Variants in FUBP3 observed in about 807,000 individuals in gnomAD.
The protein encoded by FUBP3 is far upstream element-binding protein 3.
Under a neutral mutation model 85.6 loss-of-function variants are expected in FUBP3, and 28 were observed. The ratio of observed to expected loss-of-function variants is 0.33; its 90% CI spans 0.24 to 0.45. The LOEUF is 0.45. FUBP3 is among the 20% of genes least tolerant of loss of function. The probability of loss-of-function intolerance (pLI) is 1.00; values close to 1 mark genes in which losing one functional copy is unlikely to be tolerated. For synonymous variants in FUBP3, 271 were observed against 271.4 expected, an observed-to-expected ratio of 1.00 and a Z score of 0.01; for missense variants, 583 against 755.1, an observed-to-expected ratio of 0.77 and a Z score of 2.67.
chr9:130,584,447 G>GAACCTGGGAGGCAGAGGTTGCAGTGA (rs1564187238), intron 1 of FUBP3, among the ~76,000 whole-genome samples: 1 of 151,664 alleles, frequency 6.6e-6, no homozygotes, highest in Non-Finnish European at 1.5e-5. Flanking sequence ...AGAATAGCTT[G>GAACCTGGGAGGCAGAGGTTGCAGTGA]AACCTGGGAG....
At chr9:130,601,125 T>G (rs1351751667) in intron 2 of FUBP3, among the ~76,000 whole-genome samples, 2 of 152,198 alleles carry the variant, frequency 1.3e-5, no homozygotes, top group African/African-American at 4.8e-5. Context: ...GCCCTCAAGC[T>G]TAATTTGCCA....
At chr9:130,632,384 G>T in intron 16 of FUBP3, 106 bp downstream of exon 16, 1 of 822,456 alleles carries the variant, frequency 1.2e-6, no homozygotes, top group Non-Finnish European at 2.0e-6. Flanking sequence ...GGCCCAGGAT[G>T]CCCCTCCCCA....
chr9:130,624,506 A>G (rs1054557736), intron 11 of FUBP3, among the ~76,000 whole-genome samples: 1 of 152,190 alleles, frequency 6.6e-6, no homozygotes, highest in African/African-American at 2.4e-5. Context: ...TAAAACGGCC[A>G]CTAAATCAAG....
chr9:130,634,635 A>C, intron 16 of FUBP3, 32 bp from the exon 17 acceptor site: 1 of 1,600,474 alleles, frequency 6.2e-7, no homozygotes, highest in Non-Finnish European at 8.5e-7. Flanking sequence ...AGGAGCCCGT[A>C]AGGCCTGACT....
At chr9:130,591,555 A>G (rs1169245376) in intron 1 of FUBP3, among the ~76,000 whole-genome samples, 1 of 152,238 alleles carries the variant, frequency 6.6e-6, no homozygotes, top group Non-Finnish European at 1.5e-5. Context: ...GCTTCTTTAC[A>G]GAATAATGTA....
At chr9:130,628,504 C>G (rs1259348434) in intron 12 of FUBP3, among the ~76,000 whole-genome samples, 6 of 152,196 alleles carry the variant, frequency 3.9e-5, no homozygotes, top group African/African-American at 1.2e-4. Flanking sequence ...GGAAGATGAA[C>G]TTAAATTAAC....
intron 2 of FUBP3, among the ~76,000 whole-genome samples, chr9:130,597,704 A>T (rs1830938895): frequency 6.6e-6 from 1 of 152,256 alleles, no homozygotes; most frequent in African/African-American, 2.4e-5. Flanking sequence ...CACAGAACTC[A>T]AATTCTACAC....
Position 130,635,854 on chromosome 9 carries a change from C to T in FUBP3, c.1583-145C>T. The T allele has an allele frequency of 2.6e-6, 2 of 784,160 alleles. No individual in the cohort carries two copies. Among genetic ancestry groups the T allele is most frequent in the Non-Finnish European group, 4.1e-6 (2 of 486,712 alleles). 48.6% of individuals were successfully genotyped at this position (784,160 alleles called of 1,614,324 possible). A position where few individuals can be genotyped will look rare whatever the true frequency, so the allele number is the denominator to read the frequency against. ...GCACCTTTTGTAGCAAGCGCTCCTGCAACACCAGCCTCACCTCACTGCCTC... is the reference window on the plus strand; with the variant it reads ...GCACCTTTTGTAGCAAGCGCTCCTGTAACACCAGCCTCACCTCACTGCCTC... On this transcript the variant is annotated intron_variant, in intron 17 of 18. Transcript: ENST00000319725. This position sits in a 1 kb window ranked among gnomAD's most constrained non-coding sequence, Gnocchi z 4.3.
chr9:130,619,642 G>T lies in FUBP3; in HGVS notation c.667-712G>T, dbSNP rs575435353. 2.6e-5 allele frequency among the ~76,000 whole-genome samples: 4 copies of T among 152,276 alleles called. No individual in the cohort carries two copies. In the South Asian group the frequency reaches 8.3e-4, roughly 32 times the overall value. On this transcript the variant is annotated intron_variant, in intron 8 of 18. Transcript: ENST00000319725. ...TTCTCACATTCCCTTGAGTTGTAAG[G>T]TACAGTAGGTCTTTAGCGCAGATTC... is the stretch of plus-strand genomic sequence containing the variant.
Position 130,609,981 on chromosome 9 carries a change from A to G in FUBP3, c.218A>G (p.His73Arg), listed in dbSNP as rs1244811452. 1 of 1,606,902 alleles carries G rather than the reference A, an allele frequency of 6.2e-7. No homozygotes were observed. The highest frequency in any genetic ancestry group is 8.5e-7 in the Non-Finnish European group (1 of 1,174,000). Residue 73 changes from histidine (H) to arginine (R), a missense_variant, in exon 3 of 19, where the codon CAT becomes CGT. By Grantham distance (29) the His-to-Arg change is conservative. Around this residue, in one of 3 missense-constraint regions of FUBP3, gnomAD observed 177 missense variants for 221.9 expected, o/e 0.80. Coordinates refer to ENST00000319725, the MANE Select transcript of FUBP3 (RefSeq NM_003934.2). ...GGTAACCAGTTAGGGGCCTTGGTAC[A>G]TCAAAGGTAAGCAGTGGGTTACGTT... ...GVGNQLGALV[H>R]QRTVITEEFK... is the part of the protein sequence containing the mutation.
chr9:130,637,052 CA>C lies in FUBP3; in HGVS notation c.*34del. On this transcript the variant is annotated 3_prime_UTR_variant, in exon 19 of 19. Transcript: ENST00000319725. The stretch of plus-strand genomic sequence containing the variant: ...GCGTCCTCGTGGCCAACTCTCCCCT[CA>C]AAATCATTGTCAAAGAAAACCTATT... 1 of 1,593,720 alleles carries C rather than the reference CA, an allele frequency of 6.3e-7. No homozygotes were observed. Among genetic ancestry groups the C allele is most frequent in the African/African-American group, 1.3e-5 (1 of 74,676 alleles).
chr9:130,612,545 CT>C lies in FUBP3; in HGVS notation c.274+41del. 1 of 1,262,548 alleles carries C rather than the reference CT, an allele frequency of 7.9e-7. No individual in the cohort carries two copies. Among genetic ancestry groups the C allele is most frequent in the South Asian group, 1.2e-5 (1 of 81,158 alleles). 78.2% of individuals were successfully genotyped at this position (1,262,548 alleles called of 1,614,324 possible). A position where few individuals can be genotyped will look rare whatever the true frequency, so the allele number is the denominator to read the frequency against. On this transcript the variant is annotated intron_variant, in intron 4 of 18. Transcript: ENST00000319725. The surrounding 1 kb of genome is among the most constrained non-coding windows in gnomAD (Gnocchi z 4.1). Reference sequence around the variant, plus strand: ...TGTCTACTTTTTCCCTGATTCCTGTCTCTTCTTTTTCTCTCTTTTTTTCTGA... The same window carrying C: ...TGTCTACTTTTTCCCTGATTCCTGTCCTTCTTTTTCTCTCTTTTTTTCTGA...
chr9:130,596,191 A>G (rs971079696), intron 2 of FUBP3, among the ~76,000 whole-genome samples: 5 of 152,210 alleles, frequency 3.3e-5, no homozygotes, highest in Non-Finnish European at 7.3e-5. Context: ...CAGAGTATCT[A>G]TCAGATGTGT....
chr9:130,585,391 G>A (rs1023693601), intron 1 of FUBP3, among the ~76,000 whole-genome samples: 3 of 152,138 alleles, frequency 2.0e-5, no homozygotes, highest in South Asian at 4.1e-4. Flanking sequence ...TGAGTCAGTC[G>A]CCTCTGGTTT....
At chr9:130,622,630 C>CAAAAAA in intron 9 of FUBP3, 78 bp from the exon 10 acceptor site, 57 of 506,910 alleles carry the variant, frequency 1.1e-4, no homozygotes, top group South Asian at 1.5e-4. Context: ...GACTCAGTCT[C>CAAAAAA]AAAAAAAAAA....
intron 2 of FUBP3, among the ~76,000 whole-genome samples, chr9:130,598,661 G>A (rs1188724758): frequency 2.6e-5 from 4 of 152,208 alleles, no homozygotes; most frequent in African/African-American, 7.2e-5. Flanking sequence ...AGATCACAGC[G>A]TACTATTTTG....
At chr9:130,624,948 G>C (rs1829910557) in intron 11 of FUBP3, among the ~76,000 whole-genome samples, 1 of 152,116 alleles carries the variant, frequency 6.6e-6, no homozygotes, top group Admixed American at 6.5e-5. Flanking sequence ...AGCTGGACGT[G>C]GTGGCTCACG....
At chr9:130,634,770 C>T in intron 17 of FUBP3, 32 bp downstream of exon 17, 2 of 1,536,120 alleles carry the variant, frequency 1.3e-6, no homozygotes, top group Non-Finnish European at 1.8e-6. Context: ...CCTGTGGCAG[C>T]ACAGTCCCCT....
At chr9:130,636,775 C>T (rs758561026) in intron 18 of FUBP3, among the ~76,000 whole-genome samples, 40 of 152,182 alleles carry the variant, frequency 2.6e-4, no homozygotes, top group African/African-American at 9.7e-4. Context: ...CCAAATTGGC[C>T]GTCTGGGTCT....
Sources: gnomAD v4.1 joint callset for allele counts (sites outside exome capture counted in the v4.1 genomes callset) on GRCh38, gnomAD v4.1.1 for gene constraint, gnomAD v4.1.1 regional missense constraint, Gnocchi (gnomAD v3.1) non-coding constraint, MANE v1.5 for transcripts, NCBI Gene and HGNC (gene_info 2026-07-23, HGNC 2026-07-21) for gene names.